The following CDH2 variants were observed in gnomAD, a reference collection of about 807,000 sequenced individuals.
CDH2 encodes the protein cadherin-2.
Under a neutral mutation model 92.0 loss-of-function variants are expected in CDH2, and 17 were observed. That is an observed-to-expected ratio of 0.18 (90% CI 0.13 to 0.28). The LOEUF (loss-of-function observed/expected upper bound fraction) is 0.28, where lower values mean the gene tolerates loss of function less well. CDH2 is among the 10% of genes least tolerant of loss of function. The pLI, the probability that CDH2 is intolerant of heterozygous loss-of-function variation, is 1.00. For synonymous variants in CDH2, 419 were observed against 415.9 expected (o/e 1.01, Z -0.09); for missense variants, 862 against 1,133.1 (o/e 0.76, Z 3.44).
chr18:28,056,142 A>G (rs1016205593), intron 2 of CDH2, among the ~76,000 whole-genome samples: 5 of 152,128 alleles, frequency 3.3e-5, no homozygotes, highest in Non-Finnish European at 7.4e-5. Context: ...CAAAATGAGA[A>G]AGAAGTATAA....
At chr18:28,030,985 T>C (rs1007676899) in intron 2 of CDH2, among the ~76,000 whole-genome samples, 1 of 151,816 alleles carries the variant, frequency 6.6e-6, no homozygotes, top group Non-Finnish European at 1.5e-5. Context: ...CATATTTTCA[T>C]GCTAGGTAAT....
intron 2 of CDH2, among the ~76,000 whole-genome samples, chr18:28,143,348 T>A (rs1005392122): frequency 6.6e-6 from 1 of 152,016 alleles, no homozygotes; most frequent in African/African-American, 2.4e-5. Flanking sequence ...AATGAAAATG[T>A]ATGATTGCAG....
intron 2 of CDH2, among the ~76,000 whole-genome samples, chr18:28,061,907 A>G (rs2014410338): frequency 6.6e-6 from 1 of 152,142 alleles, no homozygotes; most frequent in African/African-American, 2.4e-5. Flanking sequence ...ATTACCTCCC[A>G]CCTGGTCCCT....
intron 10 of CDH2, 43 bp from the exon 11 acceptor site, chr18:27,988,709 T>TA (rs763309512): frequency 3.5e-6 from 5 of 1,429,158 alleles, no homozygotes; most frequent in South Asian, 2.4e-5. Flanking sequence ...TATGAAACTT[T>TA]AAAAAAACAT....
At chr18:28,096,130 T>C (rs767657493) in intron 2 of CDH2, among the ~76,000 whole-genome samples, 1 of 152,150 alleles carries the variant, frequency 6.6e-6, no homozygotes, top group Non-Finnish European at 1.5e-5. Context: ...TCAATACCAC[T>C]GGGTATGTAA....
chr18:28,150,428 G>T (rs915433332), intron 1 of CDH2, among the ~76,000 whole-genome samples: 1 of 152,214 alleles, frequency 6.6e-6, no homozygotes, highest in Non-Finnish European at 1.5e-5. Flanking sequence ...CCTAAGGCAG[G>T]AGAATCAGCG....
At chr18:28,080,235 C>T (rs1897179813) in intron 2 of CDH2, among the ~76,000 whole-genome samples, 2 of 152,222 alleles carry the variant, frequency 1.3e-5, no homozygotes, top group South Asian at 4.2e-4. Context: ...CTGTGAAATC[C>T]AACACAAGCC....
chr18:28,040,336 C>T (rs191103374), intron 2 of CDH2, among the ~76,000 whole-genome samples: 29 of 152,244 alleles, frequency 1.9e-4, no homozygotes, highest in African/African-American at 6.5e-4. Flanking sequence ...AAGCAGAAGG[C>T]CAATTATAAT....
At chr18:28,142,148 C>T (rs562784464) in intron 2 of CDH2, among the ~76,000 whole-genome samples, 13 of 152,108 alleles carry the variant, frequency 8.5e-5, no homozygotes, top group South Asian at 2.1e-4. Flanking sequence ...TAAAGAGTAA[C>T]GGCCTGTGCG....
intron 2 of CDH2, among the ~76,000 whole-genome samples, chr18:28,047,420 T>C (rs1371699665): frequency 6.6e-6 from 1 of 152,166 alleles, no homozygotes; most frequent in Non-Finnish European, 1.5e-5. Context: ...AACGATTTTA[T>C]CCTTTTAAAA....
At chr18:27,949,101 A>G (rs1294261642), downstream of CDH2, among the ~76,000 whole-genome samples, 1 of 151,930 alleles carries the variant, frequency 6.6e-6, no homozygotes, top group Non-Finnish European at 1.5e-5. Flanking sequence ...AATACTTTAA[A>G]CTAGTATTGT....
intron 5 of CDH2, among the ~76,000 whole-genome samples, chr18:28,007,165 A>AAAAAAT (rs1172779200): frequency 0.013 from 1,413 of 110,418 alleles, 12 homozygotes; most frequent in Non-Finnish European, 0.017. Flanking sequence ...ATAAAAAAAA[A>AAAAAAT]ATATATATAT....
At chr18:28,081,035 C>G (rs762688261) in intron 2 of CDH2, among the ~76,000 whole-genome samples, 3 of 152,090 alleles carry the variant, frequency 2.0e-5, no homozygotes, top group African/African-American at 7.2e-5. Context: ...ATTAAACTCT[C>G]GGTCTTGGCT....
At chr18:28,011,242 C>T (rs1356189140) in intron 4 of CDH2, among the ~76,000 whole-genome samples, 1 of 151,328 alleles carries the variant, frequency 6.6e-6, no homozygotes. Flanking sequence ...TATTAAAATG[C>T]AAAAATATCT....
At chr18:27,950,446 A>G (rs1228166264), downstream of CDH2, among the ~76,000 whole-genome samples, 1 of 152,146 alleles carries the variant, frequency 6.6e-6, no homozygotes, top group Admixed American at 6.5e-5. Flanking sequence ...ATCAAACTGA[A>G]GCAAATGATC....
At chr18:28,007,165 A>AAAAAAAAATATATATATAT (rs1172779200) in intron 5 of CDH2, among the ~76,000 whole-genome samples, 7 of 110,460 alleles carry the variant, frequency 6.3e-5, no homozygotes, top group South Asian at 3.0e-4. Flanking sequence ...ATAAAAAAAA[A>AAAAAAAAATATATATATAT]ATATATATAT....
At chr18:28,159,718 G>A (rs147234946) in intron 1 of CDH2, among the ~76,000 whole-genome samples, 328 of 151,284 alleles carry the variant, frequency 2.2e-3, no homozygotes, top group South Asian at 4.0e-3. Context: ...GTGCAGTGGC[G>A]TAATCTCAGC....
intron 1 of CDH2, among the ~76,000 whole-genome samples, chr18:28,163,633 A>C (rs1293466753): frequency 6.6e-6 from 1 of 152,236 alleles, no homozygotes; most frequent in Non-Finnish European, 1.5e-5. Flanking sequence ...TAAACCAAAT[A>C]AGTAAATTGT....
At chr18:28,101,652 T>C (rs1271804412) in intron 2 of CDH2, among the ~76,000 whole-genome samples, 1 of 152,158 alleles carries the variant, frequency 6.6e-6, no homozygotes, top group East Asian at 1.9e-4. Flanking sequence ...ATAGCTGTTC[T>C]TGTGGATCAG....
Sources: gnomAD v4.1 joint callset for allele counts (sites outside exome capture counted in the v4.1 genomes callset) on GRCh38, gnomAD v4.1.1 for gene constraint, MANE v1.5 for transcripts, NCBI Gene and HGNC (gene_info 2026-07-23, HGNC 2026-07-21) for gene names.